The following SLC4A4 variants were observed in gnomAD, a reference collection of about 807,000 sequenced individuals.
SLC4A4 encodes the protein electrogenic sodium bicarbonate cotransporter 1.
Under a neutral mutation model 111.5 loss-of-function variants are expected in SLC4A4, and 27 were observed. That is an observed-to-expected ratio of 0.24 (90% CI 0.18 to 0.33). The LOEUF (loss-of-function observed/expected upper bound fraction) is 0.33, where lower values mean the gene tolerates loss of function less well. SLC4A4 is among the 10% of genes least tolerant of loss of function. SLC4A4 has a pLI of 1.00. For synonymous variants in SLC4A4, 443 were observed against 463.4 expected (o/e 0.96, Z 0.57); for missense variants, 909 against 1,315.5 (o/e 0.69, Z 4.78).
intron 6 of SLC4A4, among the ~76,000 whole-genome samples, chr4:71,380,495 G>A (rs1350617151): frequency 1.3e-5 from 2 of 152,180 alleles, no homozygotes; most frequent in Admixed American, 6.5e-5. Flanking sequence ...TTTGGCCAAG[G>A]AAATGTGAGC....
intron 5 of SLC4A4, among the ~76,000 whole-genome samples, chr4:71,352,033 C>G (rs996385850): frequency 6.6e-6 from 1 of 151,974 alleles, no homozygotes; most frequent in African/African-American, 2.4e-5. Flanking sequence ...AGATCGGAAC[C>G]CATCTACAAA....
At chr4:71,469,264 A>G (rs1037683498) in intron 13 of SLC4A4, among the ~76,000 whole-genome samples, 13 of 151,974 alleles carry the variant, frequency 8.6e-5, no homozygotes, top group Non-Finnish European at 1.6e-4. Context: ...TTGGATTTTA[A>G]CTTGTATTAT....
intron 3 of SLC4A4, among the ~76,000 whole-genome samples, chr4:71,279,970 A>G (rs1024644484): frequency 2.0e-5 from 3 of 151,860 alleles, no homozygotes; most frequent in Non-Finnish European, 4.4e-5. Context: ...TAATTTTTGT[A>G]TTTTTGTAGG....
At chr4:71,566,887 A>G (rs923854655) in intron 24 of SLC4A4, 117 bp from the exon 25 acceptor site, 12 of 740,200 alleles carry the variant, frequency 1.6e-5, no homozygotes, top group Non-Finnish European at 2.7e-5. Context: ...TGAAATGCCT[A>G]AACTTGTCTT....
At chr4:71,321,127 AAT>A (rs1727086509) in intron 3 of SLC4A4, among the ~76,000 whole-genome samples, 1 of 152,026 alleles carries the variant, frequency 6.6e-6, no homozygotes. Flanking sequence ...ATAGAAAATT[AAT>A]ATCCTTAGCC....
intron 11 of SLC4A4, among the ~76,000 whole-genome samples, chr4:71,452,452 C>T (rs1725857483): frequency 6.6e-6 from 1 of 152,130 alleles, no homozygotes; most frequent in African/African-American, 2.4e-5. Flanking sequence ...TGGTACCATG[C>T]ATAGCCCTGT....
intron 2 of SLC4A4, among the ~76,000 whole-genome samples, chr4:71,125,955 C>T (rs1425142632): frequency 6.6e-6 from 1 of 152,206 alleles, no homozygotes; most frequent in Non-Finnish European, 1.5e-5. Context: ...TATAAATCAA[C>T]TGCTGACATG....
chr4:71,543,378 A>C (rs1182782464), intron 18 of SLC4A4, among the ~76,000 whole-genome samples: 1 of 152,118 alleles, frequency 6.6e-6, no homozygotes, highest in Non-Finnish European at 1.5e-5. Flanking sequence ...GAACAAAAAG[A>C]AGTCCAGTGT....
At chr4:71,531,190 T>C (rs188781649) in intron 16 of SLC4A4, among the ~76,000 whole-genome samples, 4 of 152,070 alleles carry the variant, frequency 2.6e-5, no homozygotes, top group African/African-American at 9.7e-5. Context: ...TACAGAACAA[T>C]CTCAAGCAAA....
intron 13 of SLC4A4, among the ~76,000 whole-genome samples, chr4:71,471,526 C>T (rs891640013): frequency 4.0e-5 from 6 of 151,870 alleles, no homozygotes; most frequent in Admixed American, 2.6e-4. Flanking sequence ...ATATCATTAG[C>T]AGTTATCAGA....
chr4:71,458,039 A>ACT (rs1487175619), intron 12 of SLC4A4, among the ~76,000 whole-genome samples: 3 of 151,864 alleles, frequency 2.0e-5, no homozygotes, highest in Non-Finnish European at 4.4e-5. Context: ...TTTGATCTGC[A>ACT]GTTGGTTGAA....
chr4:71,470,047 C>G (rs549193652), intron 13 of SLC4A4, among the ~76,000 whole-genome samples: 355 of 152,020 alleles, frequency 2.3e-3, no homozygotes, highest in Non-Finnish European at 3.9e-3. Flanking sequence ...GGTAGCAAAA[C>G]TAGGTAATTG....
chr4:71,280,616 A>G (rs1723434308), intron 3 of SLC4A4, among the ~76,000 whole-genome samples: 1 of 152,176 alleles, frequency 6.6e-6, no homozygotes, highest in South Asian at 2.1e-4. Flanking sequence ...CCTGTAGCTT[A>G]TCTGTACATT....
chr4:71,379,909 C>A (rs1294141694), intron 6 of SLC4A4, among the ~76,000 whole-genome samples: 1 of 151,798 alleles, frequency 6.6e-6, no homozygotes, highest in Non-Finnish European at 1.5e-5. Flanking sequence ...TAGATTGGGG[C>A]TTTTTTGAAG....
intron 1 of SLC4A4, among the ~76,000 whole-genome samples, chr4:71,224,551 G>C (rs1220584553): frequency 1.3e-5 from 2 of 152,136 alleles, no homozygotes; most frequent in Non-Finnish European, 1.5e-5. Context: ...TCATGGGATT[G>C]TTGTATTAAA....
At chr4:71,147,667 G>T (rs1396784382) in intron 2 of SLC4A4, among the ~76,000 whole-genome samples, 1 of 152,100 alleles carries the variant, frequency 6.6e-6, no homozygotes. Context: ...ATTGTGACAT[G>T]GAACATCACA....
intron 2 of SLC4A4, among the ~76,000 whole-genome samples, chr4:71,163,902 G>A (rs1744669785): frequency 6.6e-6 from 1 of 152,162 alleles, no homozygotes; most frequent in Non-Finnish European, 1.5e-5. Context: ...TTCTTATTAA[G>A]TATACACTCA....
intron 1 of SLC4A4, among the ~76,000 whole-genome samples, chr4:71,066,590 G>C (rs902650595): frequency 6.6e-6 from 1 of 152,176 alleles, no homozygotes; most frequent in East Asian, 1.9e-4. Context: ...CAGGGCTAGA[G>C]TAAATTCCAA....
intron 5 of SLC4A4, among the ~76,000 whole-genome samples, chr4:71,354,250 C>T (rs1164328498): frequency 6.6e-6 from 1 of 152,124 alleles, no homozygotes; most frequent in Non-Finnish European, 1.5e-5. Flanking sequence ...GAAAATGTAG[C>T]TCTATTTTTG....
Sources: gnomAD v4.1 joint callset for allele counts (sites outside exome capture counted in the v4.1 genomes callset) on GRCh38, gnomAD v4.1.1 for gene constraint, MANE v1.5 for transcripts, NCBI Gene and HGNC (gene_info 2026-07-23, HGNC 2026-07-21) for gene names.